Variants in DHX32 observed in about 807,000 individuals in gnomAD.
DHX32 encodes the protein DEAH-box helicase 32 (putative), also known as putative pre-mRNA-splicing factor ATP-dependent RNA helicase DHX32.
A neutral mutation model predicts 70.0 loss-of-function variants in DHX32; 51 were observed. That is an observed-to-expected ratio of 0.73 (90% CI 0.58 to 0.92). DHX32 has a LOEUF of 0.92. Among genes scored for constraint, DHX32 ranks in the 40% least tolerant of loss-of-function variants. DHX32 has a pLI of 0.00. For synonymous variants in DHX32, 310 were observed against 315.3 expected, an observed-to-expected ratio of 0.98 and a Z score of 0.18; for missense variants, 762 against 891.8, an observed-to-expected ratio of 0.85 and a Z score of 1.85.
At chr10:125,846,929 G>A (rs1286033761) in intron 6 of DHX32, among the ~76,000 whole-genome samples, 6 of 152,150 alleles carry the variant, frequency 3.9e-5, no homozygotes, top group African/African-American at 9.7e-5. Context: ...AGTACCCATC[G>A]CGGCCTGGGG....
chr10:125,895,505 T>G (rs1216563786), intron 1 of DHX32, among the ~76,000 whole-genome samples: 1 of 152,246 alleles, frequency 6.6e-6, no homozygotes, highest in African/African-American at 2.4e-5. Flanking sequence ...TTCCGGAACC[T>G]ATGATACTCT....
intron 6 of DHX32, among the ~76,000 whole-genome samples, chr10:125,849,467 G>C (rs963419878): frequency 6.6e-6 from 1 of 152,160 alleles, no homozygotes; most frequent in African/African-American, 2.4e-5. Flanking sequence ...GCATGTTTGC[G>C]TCTCTTTTTC....
chr10:125,876,483 A>C (rs1944284622), intron 1 of DHX32, among the ~76,000 whole-genome samples: 1 of 152,240 alleles, frequency 6.6e-6, no homozygotes, highest in African/African-American at 2.4e-5. Flanking sequence ...CTTTTCAATA[A>C]AGAACCAGGC....
intron 1 of DHX32, among the ~76,000 whole-genome samples, chr10:125,886,337 T>C (rs1324036574): frequency 6.6e-6 from 1 of 152,244 alleles, no homozygotes; most frequent in Non-Finnish European, 1.5e-5. Context: ...CTTCATTTTT[T>C]CTCCTTAAGA....
At chr10:125,859,045 G>GTT (rs71029270) in intron 3 of DHX32, among the ~76,000 whole-genome samples, 9 of 141,758 alleles carry the variant, frequency 6.3e-5, no homozygotes, top group African/African-American at 2.4e-4. Context: ...TTGTTTGTTT[G>GTT]TTTTTTTTTT....
Position 125,836,624 on chromosome 10 carries a change from A to T in DHX32, c.*63T>A. 1.3e-6 allele frequency: 2 copies of T among 1,574,624 alleles called. No individual in the cohort carries two copies. Among genetic ancestry groups the T allele is most frequent in the South Asian group, 1.2e-5 (1 of 84,866 alleles). On this transcript the variant is annotated 3_prime_UTR_variant, in exon 11 of 11. Coordinates refer to ENST00000284690, the MANE Select transcript of DHX32 (RefSeq NM_018180.3). ...CGTCTTCGCGTCATGTATCTCCCAT[A>T]TCCAGCAGTTCAGCCATCCAGCTAC...
intron 6 of DHX32, among the ~76,000 whole-genome samples, chr10:125,843,414 TC>T (rs1306480962): frequency 2.0e-5 from 3 of 152,088 alleles, no homozygotes; most frequent in Non-Finnish European, 4.4e-5. Flanking sequence ...ATTGAGACCA[TC>T]CTGGCTAACA....
chr10:125,879,140 C>T (rs1944302959), intron 1 of DHX32, among the ~76,000 whole-genome samples: 1 of 148,642 alleles, frequency 6.7e-6, no homozygotes. Context: ...CCTTCTGCCT[C>T]AGCCTCTTGG....
intron 6 of DHX32, among the ~76,000 whole-genome samples, chr10:125,849,948 C>T (rs749057659): frequency 1.3e-5 from 2 of 152,016 alleles, no homozygotes; most frequent in African/African-American, 2.4e-5. Context: ...ACCATCACAA[C>T]AGATGACACC....
Position 125,836,452 on chromosome 10 carries a change from T to G in DHX32, c.*235A>C, listed in dbSNP as rs1854687801. On this transcript the variant is annotated 3_prime_UTR_variant, in exon 11 of 11. Transcript: ENST00000284690. ...CCAGTTTTTTAAAATTTTGGTCAAA[T>G]TATGAGTGGTTGATTTAAAAACTTT... is the stretch of plus-strand genomic sequence containing the variant. 1 of 1,417,270 alleles carries G rather than the reference T, an allele frequency of 7.1e-7. No individual in the cohort carries two copies. The allele number at this position is 1,417,270 out of a possible 1,614,324, so 87.8% of individuals were successfully genotyped here.
intron 10 of DHX32, among the ~76,000 whole-genome samples, chr10:125,837,404 C>G (rs1404785798): frequency 6.6e-6 from 1 of 152,150 alleles, no homozygotes; most frequent in Non-Finnish European, 1.5e-5. Context: ...CCCCTCCTTT[C>G]CATTCATGTA....
intron 1 of DHX32, among the ~76,000 whole-genome samples, chr10:125,887,822 T>G (rs1408198757): frequency 2.6e-5 from 4 of 152,104 alleles, no homozygotes; most frequent in Non-Finnish European, 5.9e-5. Flanking sequence ...ACCTTCAATT[T>G]TCTTAAAGTC....
At chr10:125,860,022 T>C (rs1399689725) in intron 2 of DHX32, 47 bp from the exon 3 acceptor site, 3 of 1,433,744 alleles carry the variant, frequency 2.1e-6, no homozygotes, top group Non-Finnish European at 2.8e-6. Context: ...TGCTAACTCA[T>C]GCAAAAAACT....
Position 125,844,028 on chromosome 10 carries a change from G to A in DHX32, c.1352-2094C>T, listed in dbSNP as rs116403359. On this transcript the variant is annotated intron_variant, in intron 6 of 10. Coordinates refer to ENST00000284690, the MANE Select transcript of DHX32 (RefSeq NM_018180.3). Reference sequence around the variant, plus strand: ...TCTCAGAGATATTCCTGTCCTGCCTGGGTCCTGACATACAGCATTACCGTC... The same window carrying A: ...TCTCAGAGATATTCCTGTCCTGCCTAGGTCCTGACATACAGCATTACCGTC... 4.6e-3 allele frequency among the ~76,000 whole-genome samples: 699 copies of A among 152,316 alleles called. 2 individuals are homozygous for A. Among genetic ancestry groups the A allele is most frequent in the African/African-American group, 0.016 (645 of 41,564 alleles).
intron 6 of DHX32, among the ~76,000 whole-genome samples, chr10:125,851,700 C>T (rs1944091255): frequency 6.6e-6 from 1 of 152,074 alleles, no homozygotes; most frequent in African/African-American, 2.4e-5. Flanking sequence ...TTCTGAGAAA[C>T]TGCAGACATA....
rs560241488 is a variant in DHX32 at position 125,843,350 on chromosome 10, A to G, written c.1352-1416T>C. Among the ~76,000 whole-genome samples, 16 of 152,276 alleles carry G rather than the reference A, an allele frequency of 1.1e-4. No homozygotes were observed. The South Asian group carries it at 2.1e-3, about 20-fold the overall frequency. On this transcript the variant is annotated intron_variant, in intron 6 of 10. Transcript: ENST00000284690. ...TGTCTAAATTTCAGGCAAACTGAGT[A>G]GCTCAAAAACCTCACTTTGGGAGGC...
intron 1 of DHX32, among the ~76,000 whole-genome samples, chr10:125,878,359 C>G (rs1370279192): frequency 1.3e-5 from 2 of 152,212 alleles, no homozygotes; most frequent in African/African-American, 4.8e-5. Context: ...AAGACATCGA[C>G]TTACATCTTC....
At chr10:125,867,991 A>C (rs899563695) in intron 1 of DHX32, among the ~76,000 whole-genome samples, 3 of 152,196 alleles carry the variant, frequency 2.0e-5, no homozygotes, top group Admixed American at 1.3e-4. Flanking sequence ...TATCCAGATA[A>C]GCCTACTTAA....
intron 4 of DHX32, chr10:125,853,023 C>G: frequency 1.2e-6 from 1 of 835,220 alleles, no homozygotes. Flanking sequence ...TCAAATCAAC[C>G]AGGATCTTGG....
Sources: allele counts gnomAD v4.1 joint callset (sites outside exome capture counted in the v4.1 genomes callset), GRCh38; gene constraint gnomAD v4.1.1; transcripts MANE v1.5; gene names NCBI Gene and HGNC (gene_info 2026-07-23, HGNC 2026-07-21).